The following SEMA3E variants were observed in gnomAD, a reference collection of about 807,000 sequenced individuals.
SEMA3E encodes semaphorin 3E.
SEMA3E carries 49 observed loss-of-function variants against 93.6 expected under a neutral mutation model. The observed-to-expected ratio is 0.52, with a 90% CI of 0.42 to 0.66. The LOEUF (loss-of-function observed/expected upper bound fraction) is 0.66, where lower values mean the gene tolerates loss of function less well. Among genes scored for constraint, SEMA3E ranks in the 30% least tolerant of loss-of-function variants. SEMA3E has a pLI of 0.00. For missense variants in SEMA3E, 906 were observed against 964.8 expected (o/e 0.94, Z 0.81); for synonymous variants, 363 against 330.7 (o/e 1.10, Z -1.06).
chr7:83,489,062 A>G (rs1446835832), intron 2 of SEMA3E, among the ~76,000 whole-genome samples: 1 of 152,106 alleles, frequency 6.6e-6, no homozygotes, highest in Non-Finnish European at 1.5e-5. Flanking sequence ...GGTGAATACT[A>G]TCTTCCTAAT....
chr7:83,517,177 C>T (rs1026583388), intron 1 of SEMA3E, among the ~76,000 whole-genome samples: 12 of 152,106 alleles, frequency 7.9e-5, no homozygotes, highest in African/African-American at 1.2e-4. Flanking sequence ...AAGTCTTCAG[C>T]AATAGCCTTG....
chr7:83,449,334 A>G (rs1196000992), intron 4 of SEMA3E, among the ~76,000 whole-genome samples: 1 of 152,058 alleles, frequency 6.6e-6, no homozygotes, highest in Non-Finnish European at 1.5e-5. Flanking sequence ...TCCTGGGCTG[A>G]AGTAATCCTC....
At chr7:83,442,575 TTTAC>T (rs1789137113) in intron 4 of SEMA3E, among the ~76,000 whole-genome samples, 2 of 151,540 alleles carry the variant, frequency 1.3e-5, no homozygotes, top group South Asian at 4.2e-4. Context: ...CAGTGAAGAG[TTTAC>T]TTGCTTGTTA....
At chr7:83,505,456 T>C (rs1790681341) in intron 1 of SEMA3E, among the ~76,000 whole-genome samples, 1 of 152,146 alleles carries the variant, frequency 6.6e-6, no homozygotes, top group Non-Finnish European at 1.5e-5. Flanking sequence ...TTCCCAAAAT[T>C]ACCACTGAAT....
chr7:83,367,343 G>GT lies in SEMA3E; in HGVS notation c.*242dup. 1 of 451,000 alleles carries GT rather than the reference G, an allele frequency of 2.2e-6. No homozygotes were observed. The highest frequency in any genetic ancestry group is 3.2e-5 in the South Asian group (1 of 31,494). The allele number at this position is 451,000 out of a possible 1,614,324, so 27.9% of individuals were successfully genotyped here. On this transcript the variant is annotated 3_prime_UTR_variant, in exon 17 of 17. Coordinates refer to ENST00000643230, the MANE Select transcript of SEMA3E (RefSeq NM_012431.3). Reference sequence around the variant, plus strand: ...AGTACTGAAAATAACAGCTACAGTTGTTTTTTGATAAACATAATGAGAAAC... The same window carrying GT: ...AGTACTGAAAATAACAGCTACAGTTGTTTTTTTGATAAACATAATGAGAAAC...
At chr7:83,418,121 A>G (rs1220275335) in intron 5 of SEMA3E, among the ~76,000 whole-genome samples, 1 of 152,178 alleles carries the variant, frequency 6.6e-6, no homozygotes, top group Non-Finnish European at 1.5e-5. Flanking sequence ...TTTTATAAGC[A>G]TCACATGACA....
chr7:83,575,666 G>T (rs558428726), intron 1 of SEMA3E, among the ~76,000 whole-genome samples: 1 of 152,084 alleles, frequency 6.6e-6, no homozygotes, highest in Admixed American at 6.6e-5. Flanking sequence ...TCATTAAATC[G>T]TATTGTAAGC....
intron 4 of SEMA3E, among the ~76,000 whole-genome samples, chr7:83,450,958 G>A (rs1789347317): frequency 6.6e-6 from 1 of 152,142 alleles, no homozygotes; most frequent in Non-Finnish European, 1.5e-5. Context: ...ATCTCATCTT[G>A]AATTGTAGCT....
chr7:83,469,483 C>T (rs554591733), intron 2 of SEMA3E, among the ~76,000 whole-genome samples, 181 bp from the exon 3 acceptor site: 4 of 148,306 alleles, frequency 2.7e-5, no homozygotes, highest in East Asian at 3.9e-4. Context: ...AGAAACGTAT[C>T]GCTGGGCTTT....
chr7:83,431,189 G>C lies in SEMA3E; in HGVS notation c.457-12706C>G, dbSNP rs1477857331. ...TCAATATATTAACTATATTTTAATA[G>C]CTAATAACAACATTTTAATGGTTGA... On this transcript the variant is annotated intron_variant, in intron 4 of 16. Coordinates refer to ENST00000643230, the MANE Select transcript of SEMA3E (RefSeq NM_012431.3). Among the ~76,000 whole-genome samples the C allele has an allele frequency of 2.0e-5, 3 of 149,968 alleles. No homozygotes were observed. In the South Asian group the frequency reaches 6.3e-4, roughly 32 times the overall value.
intron 4 of SEMA3E, among the ~76,000 whole-genome samples, chr7:83,446,228 A>G (rs1472985964): frequency 1.3e-5 from 2 of 152,188 alleles, no homozygotes; most frequent in Admixed American, 1.3e-4. Flanking sequence ...ACCCTCCAGA[A>G]TAGTAGCAAC....
intron 1 of SEMA3E, among the ~76,000 whole-genome samples, chr7:83,502,629 G>C (rs1790617839): frequency 6.6e-6 from 1 of 152,140 alleles, no homozygotes. Context: ...GAAATCTAAA[G>C]ATTCCAACCA....
At chr7:83,482,928 G>T (rs372813369) in intron 2 of SEMA3E, among the ~76,000 whole-genome samples, 1 of 50,056 alleles carries the variant, frequency 2.0e-5, no homozygotes, top group Non-Finnish European at 4.6e-5. Flanking sequence ...AAAGAGAAAT[G>T]GTCTGACTAG....
intron 4 of SEMA3E, among the ~76,000 whole-genome samples, chr7:83,434,189 T>C (rs1253329599): frequency 6.6e-6 from 1 of 152,066 alleles, no homozygotes; most frequent in Non-Finnish European, 1.5e-5. Context: ...ACCTAAATAA[T>C]CTGGAATCAG....
intron 1 of SEMA3E, among the ~76,000 whole-genome samples, chr7:83,539,482 G>T (rs1009520180): frequency 6.6e-6 from 1 of 152,080 alleles, no homozygotes; most frequent in Admixed American, 6.6e-5. Flanking sequence ...TGATAATCTC[G>T]TACTTCCAAC....
chr7:83,476,875 AG>A (rs1790022269), intron 2 of SEMA3E, among the ~76,000 whole-genome samples: 1 of 152,348 alleles, frequency 6.6e-6, no homozygotes, highest in Non-Finnish European at 1.5e-5. Flanking sequence ...CAAAAGCAAA[AG>A]GTTAAATACA....
At chr7:83,518,758 C>A (rs528148619) in intron 1 of SEMA3E, among the ~76,000 whole-genome samples, 1 of 152,162 alleles carries the variant, frequency 6.6e-6, no homozygotes, top group South Asian at 2.1e-4. Flanking sequence ...AAGCACCTAT[C>A]GGACCAGAGT....
At chr7:83,497,333 T>C (rs1790508149) in intron 1 of SEMA3E, among the ~76,000 whole-genome samples, 1 of 152,142 alleles carries the variant, frequency 6.6e-6, no homozygotes, top group Admixed American at 6.6e-5. Flanking sequence ...GAGAGGTGTT[T>C]CTTTCTTGAA....
At chr7:83,615,994 G>GAA (rs75361688) in intron 1 of SEMA3E, among the ~76,000 whole-genome samples, 10 of 130,896 alleles carry the variant, frequency 7.6e-5, no homozygotes, top group African/African-American at 1.9e-4. Flanking sequence ...TTAAGAAAAG[G>GAA]AAAAAAAAAA....
Sources: gnomAD v4.1 joint callset for allele counts (sites outside exome capture counted in the v4.1 genomes callset) on GRCh38, gnomAD v4.1.1 for gene constraint, MANE v1.5 for transcripts, NCBI Gene and HGNC (gene_info 2026-07-23, HGNC 2026-07-21) for gene names.